The following NRG1 variants were observed in gnomAD, a reference collection of about 807,000 sequenced individuals.
The protein encoded by NRG1 is neuregulin 1, also known as pro-neuregulin-1, membrane-bound isoform.
NRG1 carries 18 observed loss-of-function variants against 63.8 expected under a neutral mutation model. The observed-to-expected ratio is 0.28, with a 90% CI of 0.19 to 0.42. NRG1 has a LOEUF of 0.42. Ranked by LOEUF, NRG1 falls within the 10% of genes least tolerant of loss-of-function variation. NRG1 has a pLI of 1.00. For synonymous variants in NRG1, 302 were observed against 301.3 expected (o/e 1.00, Z -0.02); for missense variants, 762 against 814.7 (o/e 0.94, Z 0.79).
chr8:31,916,610 G>C (rs1233727900), intron 1 of NRG1, among the ~76,000 whole-genome samples: 3 of 152,140 alleles, frequency 2.0e-5, no homozygotes, highest in Admixed American at 6.5e-5. Context: ...ATCATTGTTG[G>C]ACATTTGGGT....
In NRG1 at chr8:32,606,160, A is replaced by G. The variant is rs141163186; in HGVS notation, c.400+477A>G. Among the ~76,000 whole-genome samples the G allele has an allele frequency of 2.7e-3, 394 of 148,546 alleles. 1 individual carries two copies. The highest frequency in any genetic ancestry group is 9.0e-3 in the African/African-American group (370 of 40,888). On this transcript the variant is annotated intron_variant, in intron 3 of 11. Transcript: ENST00000356819. ...ATAACATATGTATTATATATGTATT[A>G]TGTATGTATTATATATGTATTATAT...
At chr8:31,641,710 A>T (rs961652988) in intron 1 of NRG1, 1 of 152,166 alleles carries the variant, frequency 6.6e-6, no homozygotes, top group Non-Finnish European at 1.5e-5. Flanking sequence ...TCAAACAGTA[A>T]ATTAACACGA....
At chr8:31,915,118 T>C (rs1833272707) in intron 1 of NRG1, among the ~76,000 whole-genome samples, 1 of 152,044 alleles carries the variant, frequency 6.6e-6, no homozygotes. Context: ...ACTGACAGTA[T>C]TGGATATTTC....
chr8:31,716,943 C>T (rs1173348371), intron 1 of NRG1, among the ~76,000 whole-genome samples: 2 of 152,320 alleles, frequency 1.3e-5, no homozygotes, highest in East Asian at 3.9e-4. Context: ...GAAAAGAAAG[C>T]TTAGAACAGT....
chr8:31,772,943 C>T (rs1302600691), intron 1 of NRG1, among the ~76,000 whole-genome samples: 1 of 152,116 alleles, frequency 6.6e-6, no homozygotes, highest in Admixed American at 6.6e-5. Context: ...AAAGGTAGTA[C>T]CAATAGCACT....
At chr8:32,362,581 A>G (rs1209343936) in intron 1 of NRG1, among the ~76,000 whole-genome samples, 1 of 152,154 alleles carries the variant, frequency 6.6e-6, no homozygotes, top group Non-Finnish European at 1.5e-5. Context: ...TACATTCTGG[A>G]TGCATGATGA....
At chr8:32,282,347 C>G (rs544459605) in intron 1 of NRG1, among the ~76,000 whole-genome samples, 1 of 152,316 alleles carries the variant, frequency 6.6e-6, no homozygotes, top group African/African-American at 2.4e-5. Context: ...ATTTCCCTCT[C>G]AAATCCAGAC....
rs1302823078 is a variant in NRG1, at chr8:32,714,677, C to T, written c.503-13272C>T. 5.3e-5 allele frequency among the ~76,000 whole-genome samples: 8 copies of T among 152,170 alleles called. No individual in the cohort carries two copies. In the South Asian group the frequency reaches 1.7e-3, roughly 32 times the overall value. ...TCCAGATCATTTCTTCTACAAAAAA[C>T]TAAAGAATAAAAATCAGTCTTTCAG... On this transcript the variant is annotated intron_variant, in intron 5 of 11. Coordinates refer to ENST00000356819, the Ensembl canonical transcript of NRG1.
At chr8:32,758,220 T>C (rs1781313262) in intron 9 of NRG1, among the ~76,000 whole-genome samples, 1 of 151,984 alleles carries the variant, frequency 6.6e-6, no homozygotes, top group African/African-American at 2.4e-5. Context: ...AAACACAACT[T>C]CAAAAAGGGG....
chr8:32,486,185 G>T (rs1349031297), intron 1 of NRG1, among the ~76,000 whole-genome samples: 1 of 152,102 alleles, frequency 6.6e-6, no homozygotes, highest in Non-Finnish European at 1.5e-5. Flanking sequence ...GCCCACTTCG[G>T]CCTCCCAAAG....
At chr8:32,296,721 T>C (rs911321394) in intron 1 of NRG1, among the ~76,000 whole-genome samples, 3 of 151,696 alleles carry the variant, frequency 2.0e-5, no homozygotes, top group Non-Finnish European at 4.4e-5. Flanking sequence ...ATTTGATATA[T>C]AACCTTGGAA....
At chr8:32,231,732 T>C (rs1211697184) in intron 1 of NRG1, among the ~76,000 whole-genome samples, 10 of 151,888 alleles carry the variant, frequency 6.6e-5, no homozygotes, top group Middle Eastern at 3.4e-3. Flanking sequence ...AAACTCCTTC[T>C]CTACTAAAAA....
At chr8:31,816,107 T>C (rs1385815107) in intron 1 of NRG1, among the ~76,000 whole-genome samples, 1 of 152,230 alleles carries the variant, frequency 6.6e-6, no homozygotes, top group Non-Finnish European at 1.5e-5. Flanking sequence ...CTAAAGCTAC[T>C]TCTTCTTACC....
chr8:31,706,073 C>T (rs537631482), intron 1 of NRG1, among the ~76,000 whole-genome samples: 2 of 152,232 alleles, frequency 1.3e-5, no homozygotes, highest in Admixed American at 1.3e-4. Flanking sequence ...GCATGTTTTC[C>T]ATTTGTAATA....
chr8:32,485,619 G>A (rs1267141233), intron 1 of NRG1, among the ~76,000 whole-genome samples: 1 of 152,198 alleles, frequency 6.6e-6, no homozygotes, highest in African/African-American at 2.4e-5. Context: ...GAGAAAGGAA[G>A]AAGAAAGGAA....
chr8:32,191,390 A>G (rs576470665), intron 1 of NRG1, among the ~76,000 whole-genome samples: 1 of 152,132 alleles, frequency 6.6e-6, no homozygotes, highest in Non-Finnish European at 1.5e-5. Flanking sequence ...CAAAGTTATT[A>G]GATCTTCTGT....
intron 1 of NRG1, among the ~76,000 whole-genome samples, chr8:32,080,298 G>T (rs1563762831): frequency 6.6e-6 from 1 of 152,150 alleles, no homozygotes; most frequent in African/African-American, 2.4e-5. Context: ...TGTCCTGGCA[G>T]TTGAAGGAAA....
chr8:32,090,495 A>G (rs1828965895), intron 1 of NRG1, among the ~76,000 whole-genome samples: 1 of 151,860 alleles, frequency 6.6e-6, no homozygotes, highest in Non-Finnish European at 1.5e-5. Flanking sequence ...TAATTTTTGT[A>G]TTTTTAGTAG....
chr8:31,959,787 T>TGTA (rs1805112502), intron 1 of NRG1, among the ~76,000 whole-genome samples: 1 of 130,868 alleles, frequency 7.6e-6, no homozygotes, highest in Admixed American at 8.0e-5. Context: ...CGATTATTTA[T>TGTA]TTATTTATTA....
Sources: gnomAD v4.1 joint callset for allele counts (sites outside exome capture counted in the v4.1 genomes callset) on GRCh38, gnomAD v4.1.1 for gene constraint, MANE v1.5 for transcripts, NCBI Gene and HGNC (gene_info 2026-07-23, HGNC 2026-07-21) for gene names.